The following PCDH15 variants were observed in gnomAD, a reference collection of about 807,000 sequenced individuals.
The protein encoded by PCDH15 is protocadherin-15.
In PCDH15, 129 loss-of-function variants were observed where a neutral mutation model predicts 178.5. The observed-to-expected ratio is 0.72, with a 90% CI of 0.63 to 0.84. The LOEUF (loss-of-function observed/expected upper bound fraction) is 0.84, where lower values mean the gene tolerates loss of function less well. Ranked by LOEUF, PCDH15 falls within the 40% of genes least tolerant of loss-of-function variation. The pLI, the probability that PCDH15 is intolerant of heterozygous loss-of-function variation, is 0.00. For missense variants in PCDH15, 2,230 were observed against 2,099.9 expected (o/e 1.06, Z -1.21); for synonymous variants, 800 against 732.0 (o/e 1.09, Z -1.50).
chr10:54,876,179 A>G lies in PCDH15; in HGVS notation c.-29+21271T>C, dbSNP rs374067449. Among the ~76,000 whole-genome samples the G allele has an allele frequency of 2.6e-5, 4 of 152,142 alleles. No homozygotes were observed. In the East Asian group the frequency reaches 5.8e-4, roughly 22 times the overall value. On this transcript the variant is annotated intron_variant, in intron 3 of 5. Coordinates refer to the PCDH15 transcript ENST00000458638. ...AACATAACAATGAAGCCTGGATGAC[A>G]ACACATCCTTCCACAGCATGGTTTA... is the stretch of plus-strand genomic sequence containing the variant.
intron 23 of PCDH15, among the ~76,000 whole-genome samples, chr10:53,951,539 GAA>G (rs911239552): frequency 2.6e-5 from 4 of 152,204 alleles, no homozygotes; most frequent in Non-Finnish European, 5.9e-5. Context: ...GTCAAAAATA[GAA>G]ACTGAAGGAA....
At chr10:55,572,136 C>A (rs1842417555) in intron 2 of PCDH15, among the ~76,000 whole-genome samples, 1 of 151,762 alleles carries the variant, frequency 6.6e-6, no homozygotes, top group African/African-American at 2.4e-5. Context: ...TTGAGATCAG[C>A]AAAATAAAAC....
At chr10:54,575,203 T>A (rs908316008) in intron 2 of PCDH15, 1 of 146,906 alleles carries the variant, frequency 6.8e-6, no homozygotes, top group African/African-American at 2.5e-5. Flanking sequence ...TAATGCTAGA[T>A]GACGAGTTAG....
chr10:54,052,343 A>G (rs1398639065), intron 18 of PCDH15, among the ~76,000 whole-genome samples: 1 of 152,200 alleles, frequency 6.6e-6, no homozygotes, highest in East Asian at 1.9e-4. Flanking sequence ...CCAAAACCAA[A>G]GGGTTGAAGC....
At chr10:54,028,404 G>C (rs928629988) in intron 18 of PCDH15, among the ~76,000 whole-genome samples, 3 of 150,170 alleles carry the variant, frequency 2.0e-5, no homozygotes, top group African/African-American at 7.3e-5. Flanking sequence ...TCTAGAACTG[G>C]AAATACCATT....
rs1445518034 is a variant in PCDH15, at chr10:54,996,982, G to A, written c.-79-99482C>T. On this transcript the variant is annotated intron_variant, in intron 2 of 5. Transcript: ENST00000458638. Reference sequence around the variant, plus strand: ...AAATTAGCCGGGTGTAGTGGCGGGCGCCTGCAATCCTAGCTACTCAGGAGG... The same window carrying A: ...AAATTAGCCGGGTGTAGTGGCGGGCACCTGCAATCCTAGCTACTCAGGAGG... Among the ~76,000 whole-genome samples, 10 of 151,792 alleles carry A rather than the reference G, an allele frequency of 6.6e-5. No individual in the cohort carries two copies. In the South Asian group the frequency reaches 8.3e-4, roughly 13 times the overall value.
At chr10:54,874,946 A>G (rs888777694) in intron 3 of PCDH15, among the ~76,000 whole-genome samples, 1 of 152,164 alleles carries the variant, frequency 6.6e-6, no homozygotes, top group Non-Finnish European at 1.5e-5. Flanking sequence ...GCTTGATTTT[A>G]TATTGTAGTT....
chr10:53,965,413 A>G (rs1564879499), intron 21 of PCDH15, among the ~76,000 whole-genome samples: 1 of 152,180 alleles, frequency 6.6e-6, no homozygotes, highest in Non-Finnish European at 1.5e-5. Context: ...TATCTTCTGA[A>G]ATTTTCTTAG....
At chr10:55,472,418 C>T (rs1227279829) in intron 2 of PCDH15, among the ~76,000 whole-genome samples, 1 of 146,328 alleles carries the variant, frequency 6.8e-6, no homozygotes, top group Non-Finnish European at 1.5e-5. Flanking sequence ...TATGTTAATG[C>T]TATGCTATTT....
chr10:54,104,839 CA>C lies in PCDH15; in HGVS notation c.1918-14777del, dbSNP rs1329962151. 2.4e-3 allele frequency among the ~76,000 whole-genome samples: 33 copies of C among 13,502 alleles called. No homozygotes were observed. In the South Asian group the frequency reaches 0.055, roughly 23 times the overall value. The allele number at this position is 13,502 out of a possible 152,430, so 8.9% of individuals were successfully genotyped here. On this transcript the variant is annotated intron_variant, in intron 15 of 37. Coordinates refer to ENST00000644397, the MANE Select transcript of PCDH15 (RefSeq NM_001384140.1). ...CTGAGAGAGTGAGACTCTGCCTCAACAACAACAAAAAAAAAAAAAAAAAAAA... is the reference window on the plus strand; with the variant it reads ...CTGAGAGAGTGAGACTCTGCCTCAACACAACAAAAAAAAAAAAAAAAAAAA...
At chr10:55,017,826 G>A (rs1297258616) in intron 2 of PCDH15, among the ~76,000 whole-genome samples, 1 of 152,018 alleles carries the variant, frequency 6.6e-6, no homozygotes, top group Non-Finnish European at 1.5e-5. Context: ...TAAAAACTCA[G>A]TGGTCTATAG....
intron 2 of PCDH15, among the ~76,000 whole-genome samples, chr10:55,392,355 A>T (rs1005753308): frequency 6.6e-6 from 1 of 152,198 alleles, no homozygotes; most frequent in Non-Finnish European, 1.5e-5. Flanking sequence ...AAAACAAAGT[A>T]TGCTTGTATT....
chr10:54,713,746 T>C (rs937628274), intron 1 of PCDH15, among the ~76,000 whole-genome samples: 4 of 152,142 alleles, frequency 2.6e-5, no homozygotes, highest in African/African-American at 9.7e-5. Context: ...TACAGGTATC[T>C]TATTTATTTA....
intron 3 of PCDH15, among the ~76,000 whole-genome samples, chr10:54,440,528 G>A (rs1257225099): frequency 1.3e-5 from 2 of 151,736 alleles, no homozygotes; most frequent in South Asian, 2.1e-4. Flanking sequence ...TTTTAATGCG[G>A]TATCAAATTT....
chr10:54,618,370 C>A (rs2093248721), intron 2 of PCDH15, among the ~76,000 whole-genome samples: 1 of 152,058 alleles, frequency 6.6e-6, no homozygotes, highest in African/African-American at 2.4e-5. Context: ...AGACTACTAA[C>A]CTTATGCTGG....
chr10:53,834,423 T>G (rs544853910), intron 29 of PCDH15, among the ~76,000 whole-genome samples: 115 of 152,048 alleles, frequency 7.6e-4, no homozygotes, highest in South Asian at 3.3e-3. Context: ...ATTTATTTTG[T>G]TTTTTAGTAT....
At position 55,044,895 on chromosome 10, in the gene PCDH15, A is replaced by G. The variant is rs545609386; in HGVS notation, c.-80+121681T>C. On this transcript the variant is annotated intron_variant, in intron 2 of 5. Transcript: ENST00000458638. ...ACTCATCCTCCAGTGATAACATTAGATACCCATTCCTTCCCCAACCTTATC... is the reference window on the plus strand; with the variant it reads ...ACTCATCCTCCAGTGATAACATTAGGTACCCATTCCTTCCCCAACCTTATC... Among the ~76,000 whole-genome samples, 7 of 152,208 alleles carry G rather than the reference A, an allele frequency of 4.6e-5. No individual in the cohort carries two copies. The South Asian group carries it at 1.4e-3, about 32-fold the overall frequency.
chr10:54,557,355 A>T (rs1261106292), intron 2 of PCDH15, among the ~76,000 whole-genome samples: 1 of 152,188 alleles, frequency 6.6e-6, no homozygotes, highest in Admixed American at 6.6e-5. Context: ...ATCTTTGTAA[A>T]TTTAGACACT....
At chr10:54,218,059 G>C (rs1201561539) in intron 9 of PCDH15, among the ~76,000 whole-genome samples, 2 of 152,020 alleles carry the variant, frequency 1.3e-5, no homozygotes, top group African/African-American at 4.8e-5. Context: ...ATCACTTTTG[G>C]AGCATGCTAG....
Sources: allele counts gnomAD v4.1 joint callset (sites outside exome capture counted in the v4.1 genomes callset), GRCh38; gene constraint gnomAD v4.1.1; transcripts MANE v1.5; gene names NCBI Gene and HGNC (gene_info 2026-07-23, HGNC 2026-07-21).